SLCO5A1: variants seen among roughly 807,000 people sequenced by gnomAD.
SLCO5A1 encodes organic anion transporter polypeptide-related protein 4.
SLCO5A1 carries 39 observed loss-of-function variants against 65.1 expected under a neutral mutation model. That is an observed-to-expected ratio of 0.60 (90% CI 0.46 to 0.78). The LOEUF (loss-of-function observed/expected upper bound fraction) is 0.78, where lower values mean the gene tolerates loss of function less well. Ranked by LOEUF, SLCO5A1 falls within the 30% of genes least tolerant of loss-of-function variation. The pLI is 0.00. For synonymous variants in SLCO5A1, 438 were observed against 415.7 expected (o/e 1.05, Z -0.65); for missense variants, 1,029 against 1,069.4 (o/e 0.96, Z 0.53).
chr8:69,833,838 T>C (rs1821290347), intron 1 of SLCO5A1: 1 of 152,188 alleles, frequency 6.6e-6, no homozygotes, highest in South Asian at 2.1e-4. Context: ...CAATTACAAA[T>C]ACCAGGGGCA....
intron 4 of SLCO5A1, among the ~76,000 whole-genome samples, chr8:69,743,339 G>T (rs1162692789): frequency 1.3e-5 from 2 of 152,110 alleles, no homozygotes; most frequent in Non-Finnish European, 2.9e-5. Flanking sequence ...TTTGATGAAG[G>T]TCTTTATTTT....
chr8:69,707,804 G>A (rs1419179321), intron 5 of SLCO5A1, among the ~76,000 whole-genome samples: 2 of 152,174 alleles, frequency 1.3e-5, no homozygotes, highest in African/African-American at 4.8e-5. Flanking sequence ...AAGGATGACT[G>A]CATGACACCA....
At chr8:69,693,846 T>G (rs1814377328) in intron 6 of SLCO5A1, among the ~76,000 whole-genome samples, 1 of 152,178 alleles carries the variant, frequency 6.6e-6, no homozygotes, top group African/African-American at 2.4e-5. Context: ...TCTTACTCAA[T>G]CCTCACATCA....
chr8:69,796,514 G>A (rs1819506657), intron 2 of SLCO5A1, among the ~76,000 whole-genome samples: 1 of 151,994 alleles, frequency 6.6e-6, no homozygotes, highest in South Asian at 2.1e-4. Context: ...TACTCAGGAG[G>A]CTGTGGTGGG....
chr8:69,710,603 T>C (rs1815195189), intron 5 of SLCO5A1, among the ~76,000 whole-genome samples: 1 of 152,188 alleles, frequency 6.6e-6, no homozygotes, highest in Non-Finnish European at 1.5e-5. Flanking sequence ...AAACGTTTTA[T>C]TCATAAAATT....
Position 69,828,896 on chromosome 8 carries a change from C to T in SLCO5A1, c.907+2871G>A, listed in dbSNP as rs182691857. Among the ~76,000 whole-genome samples the T allele has an allele frequency of 2.0e-5, 3 of 152,244 alleles. No individual in the cohort carries two copies. The East Asian group carries it at 5.8e-4, about 29-fold the overall frequency. ...TGTTGTTAGTGGATGTTCTCCCTTTCGATAGGGTTCTGCCTGTAATTTTGA... is the reference window on the plus strand; with the variant it reads ...TGTTGTTAGTGGATGTTCTCCCTTTTGATAGGGTTCTGCCTGTAATTTTGA... On this transcript the variant is annotated intron_variant, in intron 2 of 9. Transcript: ENST00000260126.
intron 4 of SLCO5A1, among the ~76,000 whole-genome samples, chr8:69,742,773 G>A (rs920609738): frequency 2.1e-5 from 3 of 143,666 alleles, no homozygotes; most frequent in African/African-American, 7.7e-5. Context: ...GAAAATCTGA[G>A]ATAGGTGGTG....
At chr8:69,779,486 G>A (rs1480074130) in intron 2 of SLCO5A1, among the ~76,000 whole-genome samples, 1 of 152,136 alleles carries the variant, frequency 6.6e-6, no homozygotes, top group Non-Finnish European at 1.5e-5. Context: ...ACCCAAAGCA[G>A]TATTTTAATT....
In SLCO5A1 at chr8:69,672,291, T is replaced by C. The variant is rs1038702149; in HGVS notation, c.*578A>G. 2 of 154,048 alleles carry C rather than the reference T, an allele frequency of 1.3e-5. No homozygotes were observed. The highest frequency in any genetic ancestry group is 2.4e-5 in the African/African-American group (1 of 41,472). The allele number at this position is 154,048 out of a possible 1,614,324, so 9.5% of individuals were successfully genotyped here. Reference sequence around the variant, plus strand: ...AACTCTACCTGATTTATAACTGCTATGGCTTAAAATGCTATCAACAGTACT... The same window carrying C: ...AACTCTACCTGATTTATAACTGCTACGGCTTAAAATGCTATCAACAGTACT... On this transcript the variant is annotated 3_prime_UTR_variant, in exon 10 of 10. Coordinates refer to ENST00000260126, the MANE Select transcript of SLCO5A1 (RefSeq NM_030958.3).
At chr8:69,738,276 T>C (rs1816649289) in intron 4 of SLCO5A1, 72 bp from the exon 5 acceptor site, 1 of 1,418,248 alleles carries the variant, frequency 7.1e-7, no homozygotes, top group Non-Finnish European at 9.4e-7. Flanking sequence ...CTGAATTGTT[T>C]TTGAAATGAA....
At chr8:69,821,754 C>T (rs1820652888) in intron 2 of SLCO5A1, among the ~76,000 whole-genome samples, 1 of 147,850 alleles carries the variant, frequency 6.8e-6, no homozygotes, top group Admixed American at 6.8e-5. Flanking sequence ...TGTAGTGAGC[C>T]ATAATTACAC....
chr8:69,780,247 T>C (rs1818735374), intron 2 of SLCO5A1, among the ~76,000 whole-genome samples: 1 of 152,210 alleles, frequency 6.6e-6, no homozygotes, highest in African/African-American at 2.4e-5. Flanking sequence ...GTATGGAGAT[T>C]TCTCAAAGAA....
At chr8:69,827,032 T>C (rs1820952294) in intron 2 of SLCO5A1, among the ~76,000 whole-genome samples, 1 of 151,180 alleles carries the variant, frequency 6.6e-6, no homozygotes, top group African/African-American at 2.4e-5. Flanking sequence ...TCATTCTCAG[T>C]AAACTATCGC....
At chr8:69,689,797 G>A (rs1287414335) in intron 6 of SLCO5A1, among the ~76,000 whole-genome samples, 2 of 151,666 alleles carry the variant, frequency 1.3e-5, no homozygotes, top group Non-Finnish European at 2.9e-5. Flanking sequence ...TGTTCTTTTG[G>A]CTTAGGATTG....
chr8:69,681,597 A>T (rs2130788833), intron 7 of SLCO5A1, among the ~76,000 whole-genome samples: 1 of 152,346 alleles, frequency 6.6e-6, no homozygotes, highest in South Asian at 2.1e-4. Context: ...CCATCTCAAA[A>T]AAAAGAAACA....
Position 69,761,783 on chromosome 8 carries a change from C to T in SLCO5A1, c.1000G>A (p.Val334Ile), listed in dbSNP as rs1817786401. Residue 334 changes from valine (V) to isoleucine (I), a missense_variant, in exon 3 of 10, where the codon GTT becomes ATT. Coordinates refer to ENST00000260126, the MANE Select transcript of SLCO5A1 (RefSeq NM_030958.3). ...CGAGGGTCATTCTGGTCAAGGTGAA[C>T]AGGATTTCTGGGATCAACATAAAAA... ...IGFYVDPRNP[V>I]HLDQNDPRFI... is the part of the protein sequence containing the mutation. 6.2e-7 allele frequency: 1 copy of T among 1,613,810 alleles called. No homozygotes were observed. Among genetic ancestry groups the T allele is most frequent in the Admixed American group, 1.7e-5 (1 of 59,994 alleles).
At chr8:69,718,567 A>G (rs953993277) in intron 5 of SLCO5A1, among the ~76,000 whole-genome samples, 2 of 152,302 alleles carry the variant, frequency 1.3e-5, no homozygotes, top group Non-Finnish European at 2.9e-5. Flanking sequence ...TTAATCTTCA[A>G]TTACTTAAAT....
chr8:69,774,173 G>A (rs1818463769), intron 2 of SLCO5A1, among the ~76,000 whole-genome samples: 1 of 152,150 alleles, frequency 6.6e-6, no homozygotes, highest in Non-Finnish European at 1.5e-5. Flanking sequence ...TTGAATCTTG[G>A]GTAAAATAAC....
chr8:69,694,147 C>A (rs943985523), intron 6 of SLCO5A1, among the ~76,000 whole-genome samples: 3 of 152,146 alleles, frequency 2.0e-5, no homozygotes, highest in Admixed American at 1.3e-4. Context: ...CATGCAGGTG[C>A]GTACGTGCAT....
Sources: gnomAD v4.1 joint callset for allele counts (sites outside exome capture counted in the v4.1 genomes callset) on GRCh38, gnomAD v4.1.1 for gene constraint, MANE v1.5 for transcripts, NCBI Gene and HGNC (gene_info 2026-07-23, HGNC 2026-07-21) for gene names.